The following SRSF5 variants were observed in gnomAD, a reference collection of about 807,000 sequenced individuals.
The protein encoded by SRSF5 is serine and arginine rich splicing factor 5.
In SRSF5, 5 loss-of-function variants were observed where a neutral mutation model predicts 34.0. The ratio of observed to expected loss-of-function variants is 0.15; its 90% CI spans 0.08 to 0.31. The LOEUF is 0.31. Among genes scored for constraint, SRSF5 ranks in the 10% least tolerant of loss-of-function variants. The probability of loss-of-function intolerance (pLI) is 1.00; values close to 1 mark genes in which losing one functional copy is unlikely to be tolerated. For synonymous variants in SRSF5, 164 were observed against 117.7 expected (o/e 1.39, Z -2.55); for missense variants, 223 against 351.4 (o/e 0.63, Z 2.92).
Position 69,771,142 on chromosome 14 carries a change from A to T in SRSF5, c.551+37A>T, listed in dbSNP as rs370676498. 1.6e-4 allele frequency: 262 copies of T among 1,613,004 alleles called. No individual in the cohort carries two copies. Among genetic ancestry groups the T allele is most frequent in the Non-Finnish European group, 1.8e-4 (213 of 1,179,730 alleles). On this transcript the variant is annotated intron_variant, in intron 7 of 7. Transcript: ENST00000557154. ...TTTTTAAAGTCAAAAGTTGTATTTA[A>T]TGGGTTTGTTGTAGAGTCTTATCTA...
Position 69,771,494 on chromosome 14 carries a change from TAAA to T in SRSF5, c.*37_*39del, listed in dbSNP as rs1328699419. On this transcript the variant is annotated 3_prime_UTR_variant, in exon 8 of 8. Coordinates refer to ENST00000557154, the MANE Select transcript of SRSF5 (RefSeq NM_001320214.2). Reference sequence around the variant, plus strand: ...ATAACTTGCCCTGGGGGCCTTTTTTTAAAAAACAAAAACCACAAAAATTCCCAA... The same window carrying T: ...ATAACTTGCCCTGGGGGCCTTTTTTTAAACAAAAACCACAAAAATTCCCAA... The T allele has an allele frequency of 1.4e-6, 2 of 1,394,876 alleles. No homozygotes were observed. Among genetic ancestry groups the T allele is most frequent in the African/African-American group, 3.1e-5 (2 of 65,526 alleles). 86.4% of individuals were successfully genotyped at this position (1,394,876 alleles called of 1,614,324 possible). A position where few individuals can be genotyped will look rare whatever the true frequency, so the allele number is the denominator to read the frequency against.
intron 5 of SRSF5, 57 bp from the exon 6 acceptor site, chr14:69,770,410 G>C: frequency 1.3e-6 from 2 of 1,590,920 alleles, no homozygotes; most frequent in African/African-American, 1.4e-5. Flanking sequence ...TATATCATGT[G>C]ATTGTTTGTG....
chr14:69,770,520 C>T lies in SRSF5; in HGVS notation c.420C>T (p.His140=), dbSNP rs757983815. ...GGGAAGTAACGTTTGCGGATGCACACCGACCTAAATTAAATGAAGGGTATG... is the reference window on the plus strand; with the variant it reads ...GGGAAGTAACGTTTGCGGATGCACATCGACCTAAATTAAATGAAGGGTATG... The part of the protein sequence containing the change: ...QAGEVTFADA[H]RPKLNEGVVE... The change falls in exon 6 of 8, where the codon CAC becomes CAT. Residue 140 remains histidine (H), a synonymous_variant. Transcript: ENST00000557154. The T allele has an allele frequency of 1.9e-6, 3 of 1,613,798 alleles. No homozygotes were observed. The highest frequency in any genetic ancestry group is 1.7e-4 in the Middle Eastern group (1 of 6,060).
chr14:69,770,129 C>T (rs1251457683), intron 5 of SRSF5: 3 of 1,045,120 alleles, frequency 2.9e-6, no homozygotes, highest in Admixed American at 5.4e-5. Context: ...AACTTCTCTA[C>T]TTTAGTCTTT....
intron 4 of SRSF5, 107 bp from the exon 5 acceptor site, chr14:69,769,075 A>G (rs758906207): frequency 7.3e-7 from 1 of 1,366,432 alleles, no homozygotes; most frequent in Non-Finnish European, 1.0e-6. Context: ...TATTGACGGA[A>G]GTCATTAGAA....
chr14:69,770,857 A>G, intron 6 of SRSF5, 138 bp from the exon 7 acceptor site: 1 of 815,112 alleles, frequency 1.2e-6, no homozygotes. Flanking sequence ...TGCTCTTTTA[A>G]TGCTGTGTTA....
chr14:69,769,008 A>G (rs369417333), intron 4 of SRSF5, 112 bp downstream of exon 4: 148 of 1,307,080 alleles, frequency 1.1e-4, no homozygotes, highest in Non-Finnish European at 1.4e-4. Flanking sequence ...CTGTTCTTCT[A>G]TTCCCACGTT....
chr14:69,768,561 C>T (rs1958085), intron 2 of SRSF5, 43 bp from the exon 3 acceptor site: 5 of 1,576,346 alleles, frequency 3.2e-6, no homozygotes, highest in South Asian at 1.1e-5. Context: ...TTGTAGAATA[C>T]TCTTCTAAAG....
intron 1 of SRSF5, chr14:69,767,534 C>T (rs1189844880): frequency 3.1e-5 from 14 of 455,862 alleles, no homozygotes; most frequent in African/African-American, 2.8e-4. Flanking sequence ...GAATAGTGGG[C>T]CGGGATCTCC....
At position 69,771,560 on chromosome 14, in the gene SRSF5, T is replaced by C; in HGVS notation, c.*99T>C. Reference sequence around the variant, plus strand: ...AAAAATTCTGGTAAGTATGTGCTTTTCTGTGGGGGTGGGATTTGGAAGGGG... The same window carrying C: ...AAAAATTCTGGTAAGTATGTGCTTTCCTGTGGGGGTGGGATTTGGAAGGGG... On this transcript the variant is annotated 3_prime_UTR_variant, in exon 8 of 8. Coordinates refer to ENST00000557154, the MANE Select transcript of SRSF5 (RefSeq NM_001320214.2). 3.7e-6 allele frequency: 4 copies of C among 1,069,432 alleles called. No homozygotes were observed. Among genetic ancestry groups the C allele is most frequent in the Non-Finnish European group, 5.1e-6 (4 of 779,182 alleles). The allele number at this position is 1,069,432 out of a possible 1,614,324, so 66.2% of individuals were successfully genotyped here.
chr14:69,768,441 G>C (rs770193053), intron 2 of SRSF5, 159 bp downstream of exon 2: 77 of 1,267,584 alleles, frequency 6.1e-5, no homozygotes, highest in Non-Finnish European at 8.4e-5. Context: ...TTAACTTGCC[G>C]GCTCACTGGA....
intron 1 of SRSF5, chr14:69,767,632 G>C (rs981131197): frequency 2.3e-6 from 1 of 433,778 alleles, no homozygotes; most frequent in South Asian, 1.6e-5. Flanking sequence ...GAAGGGAAGA[G>C]GGAATTTGGC....
At chr14:69,770,661 C>G in intron 6 of SRSF5, 121 bp downstream of exon 6, 1 of 917,624 alleles carries the variant, frequency 1.1e-6, no homozygotes. Flanking sequence ...GACAATTTTG[C>G]TGCTTCCCTC....
intron 5 of SRSF5, chr14:69,769,748 C>T: frequency 2.9e-6 from 4 of 1,379,046 alleles, no homozygotes; most frequent in East Asian, 2.6e-5. Context: ...TGAGACCTGT[C>T]TTCCTGTAAC....
chr14:69,771,464 T>A lies in SRSF5; in HGVS notation c.*3T>A. On this transcript the variant is annotated 3_prime_UTR_variant, in exon 8 of 8. Coordinates refer to ENST00000557154, the MANE Select transcript of SRSF5 (RefSeq NM_001320214.2). ...GATCAGTTGACAGTGGCAATTAAACTGTAAATAACTTGCCCTGGGGGCCTT... is the reference window on the plus strand; with the variant it reads ...GATCAGTTGACAGTGGCAATTAAACAGTAAATAACTTGCCCTGGGGGCCTT... 6.2e-7 allele frequency: 1 copy of A among 1,609,606 alleles called. No individual in the cohort carries two copies. Among genetic ancestry groups the A allele is most frequent in the Non-Finnish European group, 8.5e-7 (1 of 1,177,290 alleles).
intron 1 of SRSF5, chr14:69,767,793 CTT>C: frequency 5.6e-6 from 2 of 354,068 alleles, no homozygotes; most frequent in Non-Finnish European, 1.1e-5. Context: ...ATTGGGCTGG[CTT>C]TGCGGAGGGC....
chr14:69,770,926 A>G, intron 6 of SRSF5, 69 bp from the exon 7 acceptor site: 3 of 1,344,762 alleles, frequency 2.2e-6, no homozygotes, highest in Non-Finnish European at 3.1e-6. Context: ...CGACTTACCT[A>G]GACTGCTGTG....
rs758221200 is a variant in SRSF5 at position 69,771,502 on chromosome 14, A to G, written c.*41A>G. ...CCCTGGGGGCCTTTTTTTAAAAAAC[A>G]AAAACCACAAAAATTCCCAAACCAT... On this transcript the variant is annotated 3_prime_UTR_variant, in exon 8 of 8. Coordinates refer to ENST00000557154, the MANE Select transcript of SRSF5 (RefSeq NM_001320214.2). 268 of 1,582,822 alleles carry G rather than the reference A, an allele frequency of 1.7e-4. No individual in the cohort carries two copies. The highest frequency in any genetic ancestry group is 2.0e-4 in the Non-Finnish European group (234 of 1,166,178).
At chr14:69,768,338 AG>A in intron 2 of SRSF5, 56 bp downstream of exon 2, 2 of 1,602,000 alleles carry the variant, frequency 1.2e-6, no homozygotes, top group Non-Finnish European at 1.7e-6. Flanking sequence ...TTTGATAAGC[AG>A]TTGTTTTCGA....
Sources: allele counts gnomAD v4.1 joint callset, GRCh38; gene constraint gnomAD v4.1.1; transcripts MANE v1.5; gene names NCBI Gene and HGNC (gene_info 2026-07-23, HGNC 2026-07-21).